The following SAMMSON variants were observed in gnomAD, a reference collection of about 807,000 sequenced individuals.
SAMMSON encodes survival associated mitochondrial melanoma specific oncogenic non-coding RNA.
intron 3 of SAMMSON, among the ~76,000 whole-genome samples, chr3:70,066,081 T>G (rs905348126): frequency 1.3e-5 from 2 of 152,126 alleles, no homozygotes; most frequent in African/African-American, 4.8e-5. Flanking sequence ...GGACATCTGT[T>G]GCAGTATTGT....
intron 1 of SAMMSON, among the ~76,000 whole-genome samples, chr3:70,009,582 A>T (rs2066945092): frequency 6.6e-6 from 1 of 152,012 alleles, no homozygotes; most frequent in Non-Finnish European, 1.5e-5. Flanking sequence ...TCTTTTCAGA[A>T]AACCAGCTCC....
At chr3:70,041,165 C>A (rs1181327915) in intron 3 of SAMMSON, among the ~76,000 whole-genome samples, 1 of 152,062 alleles carries the variant, frequency 6.6e-6, no homozygotes, top group East Asian at 1.9e-4. Flanking sequence ...GATTTAAAGA[C>A]CTTTGCCAAA....
chr3:70,429,354 T>C (rs563301984), intron 2 of SAMMSON, among the ~76,000 whole-genome samples: 3 of 152,320 alleles, frequency 2.0e-5, no homozygotes, highest in Non-Finnish European at 2.9e-5. Context: ...TACGATGTGG[T>C]TTTGGTTACC....
At chr3:70,170,861 C>G (rs1700937882) in intron 4 of SAMMSON, among the ~76,000 whole-genome samples, 1 of 151,844 alleles carries the variant, frequency 6.6e-6, no homozygotes, top group South Asian at 2.1e-4. Context: ...CCCAAACTCT[C>G]CACAGTCTTT....
chr3:70,409,770 C>T (rs1016213896), intron 2 of SAMMSON, among the ~76,000 whole-genome samples: 2 of 152,154 alleles, frequency 1.3e-5, no homozygotes, highest in South Asian at 4.1e-4. Context: ...AAGAAAGTCT[C>T]AGAGTGCAAG....
intron 2 of SAMMSON, among the ~76,000 whole-genome samples, chr3:70,432,974 T>C (rs1448507591): frequency 6.6e-6 from 1 of 152,098 alleles, no homozygotes; most frequent in Non-Finnish European, 1.5e-5. Context: ...GATTCCCCTA[T>C]GTCTTTTAAT....
At chr3:70,421,463 A>G (rs1701312975) in intron 2 of SAMMSON, among the ~76,000 whole-genome samples, 1 of 152,160 alleles carries the variant, frequency 6.6e-6, no homozygotes, top group Non-Finnish European at 1.5e-5. Context: ...TTCTAAATTC[A>G]GAGAATGTTC....
intron 7 of SAMMSON, among the ~76,000 whole-genome samples, chr3:70,313,748 C>G (rs1368373182): frequency 1.3e-5 from 2 of 152,068 alleles, no homozygotes; most frequent in Non-Finnish European, 2.9e-5. Flanking sequence ...GTACATTGCT[C>G]CCACTATATA....
At chr3:70,131,551 C>T (rs568588637) in intron 4 of SAMMSON, among the ~76,000 whole-genome samples, 5 of 152,164 alleles carry the variant, frequency 3.3e-5, no homozygotes, top group African/African-American at 1.2e-4. Context: ...CAATCATGAA[C>T]AGGAAGAACA....
At chr3:70,397,122 A>G (rs1701099304) in intron 2 of SAMMSON, among the ~76,000 whole-genome samples, 1 of 152,326 alleles carries the variant, frequency 6.6e-6, no homozygotes, top group Middle Eastern at 3.4e-3. Context: ...GGAAACAGCA[A>G]TCACCCCAAG....
At chr3:70,129,724 A>G (rs1388935034) in intron 4 of SAMMSON, among the ~76,000 whole-genome samples, 3 of 152,172 alleles carry the variant, frequency 2.0e-5, no homozygotes, top group African/African-American at 7.2e-5. Context: ...ATTTTCCATA[A>G]TGAATGAATG....
At chr3:70,057,657 AGTGTGTGTGT>A (rs35757148) in intron 3 of SAMMSON, among the ~76,000 whole-genome samples, 1 of 148,980 alleles carries the variant, frequency 6.7e-6, no homozygotes, top group African/African-American at 2.5e-5. Flanking sequence ...TATATGGATG[AGTGTGTGTGT>A]GTGTGTGTGT....
intron 2 of SAMMSON, among the ~76,000 whole-genome samples, chr3:70,408,109 C>T (rs1464179140): frequency 1.3e-5 from 2 of 152,216 alleles, no homozygotes; most frequent in Non-Finnish European, 2.9e-5. Context: ...GCAGCTGGGA[C>T]ACATGGCACC....
intron 4 of SAMMSON, among the ~76,000 whole-genome samples, chr3:70,180,166 G>C (rs1326637583): frequency 6.6e-6 from 1 of 151,844 alleles, no homozygotes; most frequent in African/African-American, 2.4e-5. Context: ...TTTAGTCTTG[G>C]GTCTGAGAAA....
chr3:70,283,022 A>G (rs1425553236), intron 6 of SAMMSON, among the ~76,000 whole-genome samples: 1 of 152,206 alleles, frequency 6.6e-6, no homozygotes, highest in Non-Finnish European at 1.5e-5. Context: ...ACAGTTGATT[A>G]CATCTCAATC....
intron 2 of SAMMSON, among the ~76,000 whole-genome samples, chr3:70,395,348 T>A (rs945483983): frequency 6.7e-6 from 1 of 149,738 alleles, no homozygotes; most frequent in Non-Finnish European, 1.5e-5. Context: ...TTTTTTTTTT[T>A]TGTGTTGTTG....
At chr3:70,142,925 T>C (rs2067533705) in intron 4 of SAMMSON, among the ~76,000 whole-genome samples, 1 of 152,178 alleles carries the variant, frequency 6.6e-6, no homozygotes, top group Admixed American at 6.5e-5. Context: ...AGTCCCTATT[T>C]CACATGGAAG....
At position 70,329,728 on chromosome 3, in the gene SAMMSON, G is replaced by T. The variant is rs116815935; in HGVS notation, n.740-24447G>T. On this transcript the variant is annotated intron_variant and non_coding_transcript_variant, in intron 7 of 9. Coordinates refer to ENST00000642114, the Ensembl canonical transcript of SAMMSON. ...GGGACTAAAGAAAAATCACACAATA[G>T]AATCTTAAAGATTTTCCTTTAAAAA... is the stretch of plus-strand genomic sequence containing the variant. Among the ~76,000 whole-genome samples the T allele has an allele frequency of 4.1e-3, 626 of 151,820 alleles. 4 individuals carry two copies. Among genetic ancestry groups the T allele is most frequent in the African/African-American group, 0.013 (541 of 41,474 alleles).
rs1025109593 is a variant in SAMMSON, at chr3:70,044,920, TTTAA to T, written n.418-26551_418-26548del. 1.9e-4 allele frequency among the ~76,000 whole-genome samples: 27 copies of T among 143,910 alleles called. No individual in the cohort carries two copies. In the East Asian group the frequency reaches 2.8e-3, roughly 15 times the overall value. 94.4% of individuals were successfully genotyped at this position (143,910 alleles called of 152,430 possible). A position where few individuals can be genotyped will look rare whatever the true frequency, so the allele number is the denominator to read the frequency against. ...TAAAATATTACATAAAGTAAAATACTTTAATTAAAGTATTACATAAGGTAAAATA... is the reference window on the plus strand; with the variant it reads ...TAAAATATTACATAAAGTAAAATACTTTAAAGTATTACATAAGGTAAAATA... On this transcript the variant is annotated intron_variant and non_coding_transcript_variant, in intron 3 of 9. Coordinates refer to ENST00000642114, the Ensembl canonical transcript of SAMMSON.
Sources: allele counts gnomAD v4.1 joint callset (sites outside exome capture counted in the v4.1 genomes callset), GRCh38; gene constraint gnomAD v4.1.1; transcripts MANE v1.5; gene names NCBI Gene and HGNC (gene_info 2026-07-23, HGNC 2026-07-21).